The following ATP2C2 variants were observed in gnomAD, a reference collection of about 807,000 sequenced individuals.
The protein encoded by ATP2C2 is calcium-transporting ATPase type 2C member 2.
Under a neutral mutation model 110.8 loss-of-function variants are expected in ATP2C2, and 171 were observed. The ratio of observed to expected loss-of-function variants is 1.54; its 90% CI spans 1.36 to 1.75. The LOEUF (loss-of-function observed/expected upper bound fraction) is 1.75. ATP2C2 is among the 40% of genes most tolerant of loss of function. The pLI is 0.00. For synonymous variants in ATP2C2, 804 were observed against 508.4 expected (o/e 1.58, Z -7.82); for missense variants, 1,963 against 1,235.0 (o/e 1.59, Z -8.84).
At chr16:84,452,162 A>T (rs1910346517) in intron 18 of ATP2C2, 71 bp downstream of exon 18, 1 of 1,578,986 alleles carries the variant, frequency 6.3e-7, no homozygotes, top group South Asian at 1.1e-5. Flanking sequence ...GCTGCTACCA[A>T]AGGGAAGCCT....
chr16:84,419,390 C>G (rs902973041), intron 7 of ATP2C2, among the ~76,000 whole-genome samples: 2 of 152,092 alleles, frequency 1.3e-5, no homozygotes, highest in African/African-American at 4.8e-5. Context: ...TCAGACACAT[C>G]TCCAACCCTC....
Position 84,454,823 on chromosome 16 carries a change from G to C in ATP2C2, c.1986G>C (p.Leu662=), listed in dbSNP as rs745723424. The change falls in exon 21 of 27, where the codon CTG becomes CTC. Residue 662 remains leucine, a synonymous_variant. Transcript: ENST00000262429. ...ATTGCCTGCTCTTTCCAAAGGCTCT[G>C]CAGGAGTCAGGGGCGATCGTGGCCA... The part of the protein sequence containing the change: ...PKHKLKIIKA[L]QESGAIVAMT... 2 of 1,599,234 alleles carry C rather than the reference G, an allele frequency of 1.3e-6. No homozygotes were observed. The highest frequency in any genetic ancestry group is 1.7e-6 in the Non-Finnish European group (2 of 1,173,674).
At chr16:84,399,163 C>G (rs779696769) in intron 2 of ATP2C2, among the ~76,000 whole-genome samples, 1 of 152,176 alleles carries the variant, frequency 6.6e-6, no homozygotes, top group Non-Finnish European at 1.5e-5. Flanking sequence ...CACGTGCGTG[C>G]ACGTGCATAC....
intron 1 of ATP2C2, among the ~76,000 whole-genome samples, chr16:84,395,252 A>T (rs1430926964): frequency 6.6e-6 from 1 of 151,938 alleles, no homozygotes; most frequent in Non-Finnish European, 1.5e-5. Flanking sequence ...CAGGGGAGTG[A>T]GGGAGGTCTC....
chr16:84,395,999 T>G (rs1904949770), intron 1 of ATP2C2, among the ~76,000 whole-genome samples: 1 of 152,168 alleles, frequency 6.6e-6, no homozygotes, highest in African/African-American at 2.4e-5. Flanking sequence ...CCCGGTTACC[T>G]CTGCTCTCCT....
At chr16:84,451,065 T>A (rs1036954861) in intron 17 of ATP2C2, among the ~76,000 whole-genome samples, 5 of 152,092 alleles carry the variant, frequency 3.3e-5, no homozygotes, top group African/African-American at 1.2e-4. Context: ...CTAGGTAATT[T>A]ACAAAGAAAA....
In ATP2C2 at chr16:84,459,203, G is replaced by C. The variant is rs941550968; in HGVS notation, c.2216+15G>C. 9.9e-6 allele frequency: 16 copies of C among 1,614,230 alleles called. No individual in the cohort carries two copies. The highest frequency in any genetic ancestry group is 1.4e-5 in the Non-Finnish European group (16 of 1,180,018). On this transcript the variant is annotated intron_variant, in intron 22 of 26. Transcript: ENST00000262429. ...CAGCTGAGCACGTAAGTAGAGGCCA[G>C]CATTCCGAGTGTCATTAAGCACCAC...
intron 24 of ATP2C2, chr16:84,461,405 C>T (rs767589130): frequency 2.0e-6 from 1 of 507,052 alleles, no homozygotes; most frequent in South Asian, 2.5e-5. Context: ...AAATGACCTT[C>T]ACTCTGGGTT....
chr16:84,402,990 T>G (rs979676638), intron 2 of ATP2C2, among the ~76,000 whole-genome samples: 9 of 152,204 alleles, frequency 5.9e-5, no homozygotes, highest in African/African-American at 2.2e-4. Context: ...GCTTTTGGAT[T>G]TCTTCATGGT....
At chr16:84,426,494 C>A (rs1907827998) in intron 11 of ATP2C2, among the ~76,000 whole-genome samples, 4 of 152,042 alleles carry the variant, frequency 2.6e-5, no homozygotes, top group African/African-American at 2.4e-5. Context: ...GAGCAAGGAC[C>A]CCAGAGCCAG....
At chr16:84,388,719 G>C (rs1904468626) in intron 1 of ATP2C2, among the ~76,000 whole-genome samples, 1 of 152,114 alleles carries the variant, frequency 6.6e-6, no homozygotes, top group Non-Finnish European at 1.5e-5. Context: ...CAAAGGCATC[G>C]ATCCCAATAA....
chr16:84,452,151 G>C, intron 18 of ATP2C2, 60 bp downstream of exon 18: 1 of 1,591,582 alleles, frequency 6.3e-7, no homozygotes, highest in East Asian at 2.2e-5. Flanking sequence ...TACGATGGGG[G>C]GCTGCTACCA....
chr16:84,438,243 C>G (rs1009881089), intron 11 of ATP2C2, among the ~76,000 whole-genome samples: 1 of 152,208 alleles, frequency 6.6e-6, no homozygotes, highest in African/African-American at 2.4e-5. Flanking sequence ...TGTGTAGCCA[C>G]TACCCAGCTT....
chr16:84,411,085 C>T (rs16963588), intron 6 of ATP2C2, among the ~76,000 whole-genome samples: 18,426 of 152,100 alleles, frequency 0.12, 1,367 homozygotes, highest in East Asian at 0.27. Context: ...GAACTGTGTG[C>T]ATTTTTTCTA....
At chr16:84,373,051 C>T (rs1268351636) in intron 1 of ATP2C2, among the ~76,000 whole-genome samples, 1 of 147,192 alleles carries the variant, frequency 6.8e-6, no homozygotes, top group South Asian at 2.2e-4. Flanking sequence ...ACCCAGGAGG[C>T]GGAGGTTGCA....
chr16:84,411,629 G>A (rs1906300609), intron 6 of ATP2C2, among the ~76,000 whole-genome samples: 1 of 152,086 alleles, frequency 6.6e-6, no homozygotes, highest in Non-Finnish European at 1.5e-5. Flanking sequence ...TTTAGTAGAG[G>A]TGGGGTTTCG....
At chr16:84,433,150 C>A (rs1283989174) in intron 11 of ATP2C2, among the ~76,000 whole-genome samples, 1 of 152,082 alleles carries the variant, frequency 6.6e-6, no homozygotes, top group African/African-American at 2.4e-5. Flanking sequence ...GAGGCTGAGG[C>A]AAGAGGATCC....
chr16:84,427,499 C>G (rs1369676894), intron 11 of ATP2C2, among the ~76,000 whole-genome samples: 2 of 152,148 alleles, frequency 1.3e-5, no homozygotes, highest in East Asian at 1.9e-4. Flanking sequence ...AGACGATCAC[C>G]TAAGGTCAGG....
chr16:84,440,631 A>G (rs556253766), intron 13 of ATP2C2, among the ~76,000 whole-genome samples: 2 of 152,364 alleles, frequency 1.3e-5, no homozygotes, highest in Non-Finnish European at 2.9e-5. Context: ...GCTGCAGAGT[A>G]TCCCACTGAG....
Sources: allele counts gnomAD v4.1 joint callset (sites outside exome capture counted in the v4.1 genomes callset), GRCh38; gene constraint gnomAD v4.1.1; transcripts MANE v1.5; gene names NCBI Gene and HGNC (gene_info 2026-07-23, HGNC 2026-07-21).